The following PASK variants were observed in gnomAD, a reference collection of about 807,000 sequenced individuals.
The protein encoded by PASK is PAS domain-containing serine/threonine-protein kinase.
A neutral mutation model predicts 121.0 loss-of-function variants in PASK; 110 were observed. That is an observed-to-expected ratio of 0.91 (90% CI 0.78 to 1.06). The LOEUF (loss-of-function observed/expected upper bound fraction) is 1.06. Among genes scored for constraint, PASK ranks in the 50% least tolerant of loss-of-function variants. PASK has a pLI of 0.00. For missense variants in PASK, 1,643 were observed against 1,702.3 expected, an observed-to-expected ratio of 0.97 and a Z score of 0.61; for synonymous variants, 686 against 717.8, an observed-to-expected ratio of 0.96 and a Z score of 0.71.
chr2:241,146,787 T>C (rs2066977435), intron 1 of PASK, among the ~76,000 whole-genome samples: 1 of 152,082 alleles, frequency 6.6e-6, no homozygotes, highest in South Asian at 2.1e-4. Flanking sequence ...GGTGCAAGAG[T>C]GGGGAAGAGG....
Position 241,149,443 on chromosome 2 carries a change from GC to G in PASK, c.-73del, listed in dbSNP as rs1306050750. The G allele has an allele frequency of 1.8e-6, 1 of 569,712 alleles. No individual in the cohort carries two copies. The highest frequency in any genetic ancestry group is 3.1e-6 in the Non-Finnish European group (1 of 321,928). 35.3% of individuals were successfully genotyped at this position (569,712 alleles called of 1,614,324 possible). Reference sequence around the variant, plus strand: ...ATCAGGCGAGGGTCACGCCAAGCCGGCTACACACCACGGAAAGGAGCCCTTC... The same window carrying G: ...ATCAGGCGAGGGTCACGCCAAGCCGGTACACACCACGGAAAGGAGCCCTTC... On this transcript the variant is annotated 5_prime_UTR_variant, in exon 1 of 18. Transcript: ENST00000234040.
In PASK at chr2:241,106,226, C is replaced by A; in HGVS notation, c.*340G>T. 2.8e-6 allele frequency: 1 copy of A among 354,900 alleles called. No individual in the cohort carries two copies. Among genetic ancestry groups the A allele is most frequent in the Admixed American group, 4.4e-5 (1 of 22,744 alleles). The allele number at this position is 354,900 out of a possible 1,614,324, so 22.0% of individuals were successfully genotyped here. On this transcript the variant is annotated 3_prime_UTR_variant, in exon 18 of 18. Coordinates refer to ENST00000234040, the MANE Select transcript of PASK (RefSeq NM_015148.4). The stretch of plus-strand genomic sequence containing the variant: ...TATCCGTCACTCAGATGAGCATATA[C>A]CAAGTCAGAGGAAACAAAACATGCA...
At chr2:241,107,601 G>A in intron 16 of PASK, 102 bp from the exon 17 acceptor site, 1 of 1,198,622 alleles carries the variant, frequency 8.3e-7, no homozygotes, top group Non-Finnish European at 1.2e-6. Flanking sequence ...GCCTCTGACT[G>A]GGCAGGTGGC....
At chr2:241,113,606 C>T in intron 14 of PASK, 1 of 495,924 alleles carries the variant, frequency 2.0e-6, no homozygotes, top group Non-Finnish European at 2.6e-6. Flanking sequence ...AGTCAGGATC[C>T]AATCAGGAGA....
intron 8 of PASK, among the ~76,000 whole-genome samples, chr2:241,135,429 G>C (rs917455448): frequency 6.6e-6 from 1 of 152,078 alleles, no homozygotes. Flanking sequence ...ACCAGTACTG[G>C]ATTTCTGAGG....
chr2:241,108,517 C>T lies in PASK; in HGVS notation c.3534-217G>A, dbSNP rs573638180. 13 of 611,274 alleles carry T rather than the reference C, an allele frequency of 2.1e-5. No homozygotes were observed. The highest frequency in any genetic ancestry group is 1.1e-4 in the African/African-American group (6 of 54,914). The allele number at this position is 611,274 out of a possible 1,614,324, so 37.9% of individuals were successfully genotyped here. A position where few individuals can be genotyped will look rare whatever the true frequency, so the allele number is the denominator to read the frequency against. On this transcript the variant is annotated intron_variant, in intron 15 of 17. Coordinates refer to ENST00000234040, the MANE Select transcript of PASK (RefSeq NM_015148.4). This position sits in a 1 kb window ranked among gnomAD's most constrained non-coding sequence, Gnocchi z 5.2. ...CATGTGCCAGGAGTGGAGAGGCCAT[C>T]GGGCAGCTCCGAGGCTAATCAGGAA...
At chr2:241,140,105 AC>A in intron 3 of PASK, 50 bp from the exon 4 acceptor site, 1 of 1,473,500 alleles carries the variant, frequency 6.8e-7, no homozygotes, top group South Asian at 1.2e-5. Flanking sequence ...CAGCAGCTCC[AC>A]CAGCTGCCCA....
chr2:241,112,272 CT>C lies in PASK; in HGVS notation c.3500del (p.Glu1167GlyfsTer59). On this transcript the variant is annotated frameshift_variant, in exon 15 of 18. Coordinates refer to ENST00000234040, the MANE Select transcript of PASK (RefSeq NM_015148.4). LOFTEE classifies it high-confidence loss of function. This position sits in a 1 kb window ranked among gnomAD's most constrained non-coding sequence, Gnocchi z 5.2. ...KLFYTFCGTI[E>X]YCAPEVLMGN... ...CCATGAGAACTTCCGGTGCACAGTA[CT>C]CGATGGTCCCACAAAAAGTATAAAA... The C allele has an allele frequency of 9.3e-6, 15 of 1,613,842 alleles. No individual in the cohort carries two copies. Among genetic ancestry groups the C allele is most frequent in the Non-Finnish European group, 1.2e-5 (14 of 1,179,822 alleles).
In PASK at chr2:241,127,072, T is replaced by TC. The variant is rs776382201; in HGVS notation, c.1842dup (p.Ser615GlufsTer2). The TC allele has an allele frequency of 6.2e-7, 1 of 1,614,010 alleles. No homozygotes were observed. The highest frequency in any genetic ancestry group is 2.2e-5 in the East Asian group (1 of 44,868). On this transcript the variant is annotated frameshift_variant, in exon 10 of 18. Transcript: ENST00000234040. LOFTEE classifies it high-confidence loss of function. Reference sequence around the variant, plus strand: ...CTTCGCCACCACAAGCCCCATTCACTCCCATAGCAAGGGCAGTGCATCAGG... The same window carrying TC: ...CTTCGCCACCACAAGCCCCATTCACTCCCCATAGCAAGGGCAGTGCATCAGG...
rs1559361912 is a variant in PASK, at chr2:241,115,954, CGCCGGGGCCACCT to C, written c.3073-554_3073-542del. 1.2e-3 allele frequency among the ~76,000 whole-genome samples: 117 copies of C among 96,268 alleles called. 4 individuals are homozygous for C. Among genetic ancestry groups the C allele is most frequent in the African/African-American group, 6.0e-3 (74 of 12,336 alleles). 63.2% of individuals were successfully genotyped at this position (96,268 alleles called of 152,430 possible). A position where few individuals can be genotyped will look rare whatever the true frequency, so the allele number is the denominator to read the frequency against. On this transcript the variant is annotated intron_variant, in intron 12 of 17. Transcript: ENST00000234040. The stretch of plus-strand genomic sequence containing the variant: ...CCATCAGTCCTCAAGCATCCCATTA[CGCCGGGGCCACCT>C]GGTCCTCAAGCATCCCATTACACCA...
At chr2:241,150,342 C>T, upstream of PASK, 1 of 1,323,542 alleles carries the variant, frequency 7.6e-7, no homozygotes, top group Non-Finnish European at 9.7e-7. Context: ...CATGACGGAA[C>T]TACAACTCCC....
At chr2:241,132,433 T>G (rs561950819) in intron 9 of PASK, among the ~76,000 whole-genome samples, 1 of 137,466 alleles carries the variant, frequency 7.3e-6, no homozygotes, top group Non-Finnish European at 1.5e-5. Flanking sequence ...AGGAGAATGG[T>G]GTGAACCCGG....
Position 241,126,532 on chromosome 2 carries a change from T to G in PASK, c.2383A>C (p.Arg795=). Reference sequence around the variant, plus strand: ...GTGCCGGTCAGTAGTAACAGCTCCCTGTCATCCAGGACACACGACCCCTGT... The same window carrying G: ...GTGCCGGTCAGTAGTAACAGCTCCCGGTCATCCAGGACACACGACCCCTGT... ...QEQGSCVLDD[R]ELLLLTGTCV... The change falls in exon 10 of 18, where the codon AGG becomes CGG. Residue 795 remains arginine, a synonymous_variant. Coordinates refer to ENST00000234040, the MANE Select transcript of PASK (RefSeq NM_015148.4). 1 of 1,614,242 alleles carries G rather than the reference T, an allele frequency of 6.2e-7. No homozygotes were observed. The highest frequency in any genetic ancestry group is 8.5e-7 in the Non-Finnish European group (1 of 1,180,042).
rs543928572 is a variant in PASK, at chr2:241,108,462, C to G, written c.3534-162G>C. 2.7e-6 allele frequency: 2 copies of G among 727,484 alleles called. No homozygotes were observed. Among genetic ancestry groups the G allele is most frequent in the African/African-American group, 1.7e-5 (1 of 57,624 alleles). The allele number at this position is 727,484 out of a possible 1,614,324, so 45.1% of individuals were successfully genotyped here. ...CCCTCAAACACGCCCTCCATTTCCA[C>G]GCACTTCTGCCCCAGGCCAGCCAGC... On this transcript the variant is annotated intron_variant, in intron 15 of 17. Coordinates refer to ENST00000234040, the MANE Select transcript of PASK (RefSeq NM_015148.4). The surrounding 1 kb of genome is among the most constrained non-coding windows in gnomAD (Gnocchi z 5.2).
intron 1 of PASK, among the ~76,000 whole-genome samples, chr2:241,146,465 T>C (rs553423947): frequency 3.3e-5 from 5 of 149,362 alleles, no homozygotes; most frequent in African/African-American, 1.2e-4. Flanking sequence ...AGGGAGGGAG[T>C]GCGGGAGAGA....
Position 241,114,951 on chromosome 2 carries a change from G to C in PASK, c.3333+92C>G, listed in dbSNP as rs771642621. Reference sequence around the variant, plus strand: ...CAGAAGGCTAGATCCAGCTCAGAGAGAGAACCGAGTATGGATCACTGATCT... The same window carrying C: ...CAGAAGGCTAGATCCAGCTCAGAGACAGAACCGAGTATGGATCACTGATCT... On this transcript the variant is annotated intron_variant, in intron 14 of 17. Coordinates refer to ENST00000234040, the MANE Select transcript of PASK (RefSeq NM_015148.4). 1.7e-4 allele frequency: 268 copies of C among 1,604,442 alleles called. 1 individual carries two copies. The highest frequency in any genetic ancestry group is 1.1e-4 in the Non-Finnish European group (128 of 1,173,152).
rs562397803 is a variant in PASK, at chr2:241,108,302, T to C, written c.3534-2A>G. The C allele has an allele frequency of 2.5e-6, 4 of 1,613,866 alleles. No homozygotes were observed. The highest frequency in any genetic ancestry group is 2.2e-5 in the South Asian group (2 of 91,084). On this transcript the variant is annotated splice_acceptor_variant, in intron 15 of 17. Coordinates refer to ENST00000234040, the MANE Select transcript of PASK (RefSeq NM_015148.4). LOFTEE classifies it high-confidence loss of function. The surrounding 1 kb of genome is among the most constrained non-coding windows in gnomAD (Gnocchi z 5.2). ...ATCTCCAGCTCCGGCCCTCTGTAGC[T>C]GTGAGGAGGAGGAGGCATCAGGACG...
chr2:241,106,540 G>A lies in PASK; in HGVS notation c.*26C>T, dbSNP rs1231130606. 2 of 1,612,120 alleles carry A rather than the reference G, an allele frequency of 1.2e-6. No individual in the cohort carries two copies. Among genetic ancestry groups the A allele is most frequent in the Non-Finnish European group, 1.7e-6 (2 of 1,178,242 alleles). Reference sequence around the variant, plus strand: ...AACTGTGTGATTTTCCAAACCAAGTGGAGAAAAGCAGGAAGAAATTGGTGT... The same window carrying A: ...AACTGTGTGATTTTCCAAACCAAGTAGAGAAAAGCAGGAAGAAATTGGTGT... On this transcript the variant is annotated 3_prime_UTR_variant, in exon 18 of 18. Transcript: ENST00000234040.
At chr2:241,130,020 A>C (rs2066053056) in intron 9 of PASK, among the ~76,000 whole-genome samples, 1 of 152,232 alleles carries the variant, frequency 6.6e-6, no homozygotes, top group Non-Finnish European at 1.5e-5. Context: ...GGAGAACTAA[A>C]GGAGACAACT....
Sources: allele counts gnomAD v4.1 joint callset (sites outside exome capture counted in the v4.1 genomes callset), GRCh38; gene constraint gnomAD v4.1.1; non-coding constraint Gnocchi (gnomAD v3.1); transcripts MANE v1.5; gene names NCBI Gene and HGNC (gene_info 2026-07-23, HGNC 2026-07-21).